The following CACNA2D3 variants were observed in gnomAD, a reference collection of about 807,000 sequenced individuals.
CACNA2D3 encodes the protein calcium voltage-gated channel auxiliary subunit alpha2delta 3.
In CACNA2D3, 60 loss-of-function variants were observed where a neutral mutation model predicts 160.6. The observed-to-expected ratio is 0.37, with a 90% CI of 0.30 to 0.46. The LOEUF is 0.46. CACNA2D3 is among the 20% of genes least tolerant of loss of function. The pLI, the probability that CACNA2D3 is intolerant of heterozygous loss-of-function variation, is 1.00. For synonymous variants in CACNA2D3, 558 were observed against 492.9 expected (o/e 1.13, Z -1.75); for missense variants, 1,205 against 1,365.0 (o/e 0.88, Z 1.85).
chr3:54,415,390 A>G (rs901726365), intron 4 of CACNA2D3, among the ~76,000 whole-genome samples: 1 of 152,138 alleles, frequency 6.6e-6, no homozygotes, highest in African/African-American at 2.4e-5. Context: ...ACTCTTATTT[A>G]TGTCTGTTAA....
chr3:54,185,841 C>G (rs1034015229), intron 2 of CACNA2D3, among the ~76,000 whole-genome samples: 1 of 152,238 alleles, frequency 6.6e-6, no homozygotes, highest in African/African-American at 2.4e-5. Flanking sequence ...GCTGATCACA[C>G]TGCTGCACAT....
At chr3:54,922,584 C>T (rs1051697965) in intron 27 of CACNA2D3, among the ~76,000 whole-genome samples, 4 of 152,080 alleles carry the variant, frequency 2.6e-5, no homozygotes, top group African/African-American at 9.7e-5. Flanking sequence ...CAATATCGTA[C>T]GTTTTAACCC....
At chr3:54,611,474 T>C (rs1351351150) in intron 9 of CACNA2D3, among the ~76,000 whole-genome samples, 1 of 152,250 alleles carries the variant, frequency 6.6e-6, no homozygotes, top group Non-Finnish European at 1.5e-5. Context: ...TCTTTTGTCT[T>C]TGTCTTTAAG....
chr3:54,203,834 C>T (rs1018980184), intron 2 of CACNA2D3, among the ~76,000 whole-genome samples: 6 of 151,972 alleles, frequency 3.9e-5, no homozygotes, highest in South Asian at 2.1e-4. Context: ...TGGCTGCCTG[C>T]GTGTCTGCTT....
At chr3:54,864,255 C>T (rs1221768987) in intron 17 of CACNA2D3, among the ~76,000 whole-genome samples, 1 of 151,988 alleles carries the variant, frequency 6.6e-6, no homozygotes, top group Non-Finnish European at 1.5e-5. Flanking sequence ...TCACTGCAGC[C>T]ACTCAGTTTA....
chr3:54,715,940 G>T (rs181891759), intron 11 of CACNA2D3, among the ~76,000 whole-genome samples: 297 of 152,248 alleles, frequency 2.0e-3, no homozygotes, highest in African/African-American at 6.5e-3. Flanking sequence ...GTACAAACTT[G>T]CAGTTAGAAG....
chr3:54,950,642 G>T (rs975134732), intron 27 of CACNA2D3, among the ~76,000 whole-genome samples: 1 of 152,154 alleles, frequency 6.6e-6, no homozygotes, highest in South Asian at 2.1e-4. Flanking sequence ...CTGTGGCAGG[G>T]CAGCCTCAAC....
At chr3:54,436,650 G>T (rs548502598) in intron 4 of CACNA2D3, among the ~76,000 whole-genome samples, 9 of 152,196 alleles carry the variant, frequency 5.9e-5, no homozygotes, top group Non-Finnish European at 1.3e-4. Context: ...GAAGCTGGAA[G>T]CCATCATTCT....
intron 13 of CACNA2D3, among the ~76,000 whole-genome samples, chr3:54,778,861 A>G (rs1702475713): frequency 6.6e-6 from 1 of 152,186 alleles, no homozygotes; most frequent in Non-Finnish European, 1.5e-5. Flanking sequence ...CATCTTCATT[A>G]GGCATGTGAT....
chr3:54,918,911 A>G, intron 27 of CACNA2D3: 1 of 1,512,576 alleles, frequency 6.6e-7, no homozygotes. Context: ...AACAAAAGCA[A>G]AGAACAATAA....
At chr3:54,235,353 C>G (rs532821657) in intron 2 of CACNA2D3, among the ~76,000 whole-genome samples, 40 of 152,252 alleles carry the variant, frequency 2.6e-4, no homozygotes, top group African/African-American at 8.7e-4. Context: ...CATGAAGCTG[C>G]ATCTGCTCGG....
chr3:55,033,728 T>C (rs1379459363), intron 35 of CACNA2D3, among the ~76,000 whole-genome samples: 1 of 120,970 alleles, frequency 8.3e-6, no homozygotes, highest in Admixed American at 1.1e-4. Context: ...ATATATTAAA[T>C]ATATTTTATA....
intron 2 of CACNA2D3, among the ~76,000 whole-genome samples, chr3:54,278,793 C>A (rs978670303): frequency 2.0e-5 from 3 of 151,826 alleles, no homozygotes; most frequent in Non-Finnish European, 4.4e-5. Flanking sequence ...ATGAGAACAC[C>A]TGGACACGGG....
intron 27 of CACNA2D3, among the ~76,000 whole-genome samples, chr3:54,944,361 G>A (rs1701554653): frequency 6.6e-6 from 1 of 151,710 alleles, no homozygotes; most frequent in Non-Finnish European, 1.5e-5. Context: ...AAATTCATTT[G>A]TATATTTTGA....
intron 17 of CACNA2D3, among the ~76,000 whole-genome samples, chr3:54,862,405 G>A (rs76891775): frequency 7.6e-4 from 105 of 138,740 alleles, no homozygotes; most frequent in African/African-American, 1.2e-3. Context: ...ACACACACAC[G>A]CACACACACG....
chr3:54,736,020 C>CATATATATGTATATAT (rs1163965186), intron 11 of CACNA2D3, among the ~76,000 whole-genome samples: 5 of 79,908 alleles, frequency 6.3e-5, no homozygotes, highest in African/African-American at 2.7e-4. Context: ...TATATATACA[C>CATATATATGTATATAT]ATACATATAT....
intron 4 of CACNA2D3, among the ~76,000 whole-genome samples, chr3:54,433,581 T>C (rs2106778449): frequency 6.6e-6 from 1 of 152,322 alleles, no homozygotes; most frequent in East Asian, 1.9e-4. Flanking sequence ...CTCCCTCTTG[T>C]AACTAAAAAC....
rs201242067 is a variant in CACNA2D3 at position 54,353,685 on chromosome 3, G to A, written c.322-33030G>A. 1.1e-4 allele frequency among the ~76,000 whole-genome samples: 16 copies of A among 152,292 alleles called. No individual in the cohort carries two copies. The East Asian group carries it at 3.1e-3, about 29-fold the overall frequency. ...TGCATCCTGAAATGACCTTGTGGAA[G>A]CATTCCCTTGTCTCCCTGTGGGCTT... On this transcript the variant is annotated intron_variant, in intron 3 of 37. Transcript: ENST00000474759.
intron 4 of CACNA2D3, among the ~76,000 whole-genome samples, chr3:54,447,251 T>G (rs369902645): frequency 6.6e-6 from 1 of 152,210 alleles, no homozygotes; most frequent in East Asian, 1.9e-4. Flanking sequence ...TATATTGTGA[T>G]GGGTGAAAGT....
Sources: allele counts gnomAD v4.1 joint callset (sites outside exome capture counted in the v4.1 genomes callset), GRCh38; gene constraint gnomAD v4.1.1; transcripts MANE v1.5; gene names NCBI Gene and HGNC (gene_info 2026-07-23, HGNC 2026-07-21).